The following ME1 variants were observed in gnomAD, a reference collection of about 807,000 sequenced individuals.
ME1 encodes the protein NADP-dependent malic enzyme.
A neutral mutation model predicts 66.4 loss-of-function variants in ME1; 74 were observed. The ratio of observed to expected loss-of-function variants is 1.11; its 90% CI spans 0.92 to 1.35. The LOEUF (loss-of-function observed/expected upper bound fraction) is 1.35. Among genes scored for constraint, ME1 ranks in the 40% most tolerant of loss-of-function variants. ME1 has a pLI of 0.00. For missense variants in ME1, 750 were observed against 694.1 expected, an observed-to-expected ratio of 1.08 and a Z score of -0.90; for synonymous variants, 251 against 235.6, an observed-to-expected ratio of 1.07 and a Z score of -0.60.
chr6:83,253,832 A>T (rs900765184), intron 6 of ME1, 94 bp from the exon 7 acceptor site: 9 of 633,538 alleles, frequency 1.4e-5, no homozygotes, highest in Non-Finnish European at 2.5e-5. Flanking sequence ...GGAAAACATT[A>T]TTTCCTTTTA....
chr6:83,237,246 A>AGAAC (rs1790419028), intron 9 of ME1, among the ~76,000 whole-genome samples: 1 of 97,872 alleles, frequency 1.0e-5, no homozygotes, highest in Non-Finnish European at 2.1e-5. Flanking sequence ...AAAGAAAGAA[A>AGAAC]GAAAGAAAGA....
chr6:83,406,457 C>A (rs533643803), intron 2 of ME1, among the ~76,000 whole-genome samples: 2 of 152,204 alleles, frequency 1.3e-5, no homozygotes, highest in African/African-American at 4.8e-5. Flanking sequence ...TCCATCTGAT[C>A]CTGGGTTTTT....
intron 3 of ME1, among the ~76,000 whole-genome samples, chr6:83,382,260 T>G (rs1769419533): frequency 6.6e-6 from 1 of 152,108 alleles, no homozygotes; most frequent in Non-Finnish European, 1.5e-5. Context: ...AATTAAGTCT[T>G]TATTTACCTA....
At chr6:83,261,685 T>C (rs1766891832) in intron 6 of ME1, among the ~76,000 whole-genome samples, 1 of 152,030 alleles carries the variant, frequency 6.6e-6, no homozygotes, top group African/African-American at 2.4e-5. Context: ...GTTGGGAGTC[T>C]GGTTTAGGGA....
rs118081320 is a variant in ME1, at chr6:83,253,682, C to T, written c.761G>A (p.Arg254His). 1.1e-3 allele frequency: 1,700 copies of T among 1,611,792 alleles called. 14 individuals carry two copies. In the East Asian group the frequency reaches 0.017, roughly 16 times the overall value. ...FEDFANVNAF[R>H]LLNKYRNQYC... The stretch of plus-strand genomic sequence containing the variant: ...CTGGTTTCGATACTTGTTCAGGAGA[C>T]GAAATGCATTCACATTGGCAAAATC... Residue 254 changes from arginine to histidine, a missense_variant, in exon 7 of 14, where the codon CGT becomes CAT. Arg to His is a conservative substitution (Grantham distance 29). Coordinates refer to ENST00000369705, the MANE Select transcript of ME1 (RefSeq NM_002395.6).
chr6:83,330,219 A>C (rs1432711370), intron 5 of ME1, among the ~76,000 whole-genome samples: 1 of 152,138 alleles, frequency 6.6e-6, no homozygotes, highest in Non-Finnish European at 1.5e-5. Context: ...TCTAGCATTT[A>C]TTTTTAAACT....
rs1009676819 is a variant in ME1 at position 83,237,819 on chromosome 6, C to T, written c.924G>A (p.Gly308=). The part of the protein sequence containing the change: ...LFQGAGEAAL[G]IAHLIVMALE... The stretch of plus-strand genomic sequence containing the variant: ...AGGCCATCACAATCAGGTGTGCAAT[C>T]CCTAGGGCAGCCTCAGTGATGAAAA... The change falls in exon 9 of 14, where the codon GGG becomes GGA. Residue 308 remains glycine, a synonymous_variant. Coordinates refer to ENST00000369705, the MANE Select transcript of ME1 (RefSeq NM_002395.6). 3 of 1,591,018 alleles carry T rather than the reference C, an allele frequency of 1.9e-6. No homozygotes were observed. In the East Asian group the frequency reaches 6.8e-5, roughly 36 times the overall value.
chr6:83,236,143 A>G (rs1371306351), intron 9 of ME1, among the ~76,000 whole-genome samples: 50 of 152,164 alleles, frequency 3.3e-4, no homozygotes, highest in Admixed American at 3.3e-3. Flanking sequence ...AACAATTTAA[A>G]GCCTATACAA....
At chr6:83,297,173 G>C (rs2128535931) in intron 6 of ME1, among the ~76,000 whole-genome samples, 1 of 152,056 alleles carries the variant, frequency 6.6e-6, no homozygotes, top group African/African-American at 2.4e-5. Flanking sequence ...CAGCCAAGCT[G>C]AAAGCCAAAT....
intron 1 of ME1, among the ~76,000 whole-genome samples, chr6:83,417,028 C>T: frequency 6.6e-6 from 1 of 151,818 alleles, no homozygotes; most frequent in Middle Eastern, 3.2e-3. Context: ...ATTACTGTAG[C>T]TTTAGATCTG....
chr6:83,304,791 T>C (rs1299406968), intron 6 of ME1, among the ~76,000 whole-genome samples: 1 of 152,204 alleles, frequency 6.6e-6, no homozygotes, highest in Non-Finnish European at 1.5e-5. Flanking sequence ...ACAGGAATGA[T>C]TATTTTGTTC....
At chr6:83,341,819 C>T (rs952235363) in intron 5 of ME1, among the ~76,000 whole-genome samples, 1 of 152,114 alleles carries the variant, frequency 6.6e-6, no homozygotes, top group Non-Finnish European at 1.5e-5. Flanking sequence ...TTTGCAAACC[C>T]CTACCTTTTC....
intron 6 of ME1, among the ~76,000 whole-genome samples, chr6:83,298,916 TTAGTC>T (rs1448049112): frequency 2.8e-5 from 4 of 144,578 alleles, no homozygotes; most frequent in Non-Finnish European, 6.0e-5. Context: ...TGCTGTTCCA[TTAGTC>T]TATGTGTCTG....
intron 6 of ME1, among the ~76,000 whole-genome samples, chr6:83,283,421 TG>T (rs950089550): frequency 1.3e-5 from 2 of 151,082 alleles, no homozygotes; most frequent in African/African-American, 2.4e-5. Context: ...GGACCTCTCA[TG>T]GGGTGGGGGG....
chr6:83,341,723 G>A (rs145489070), intron 5 of ME1, among the ~76,000 whole-genome samples: 6 of 152,192 alleles, frequency 3.9e-5, no homozygotes, highest in African/African-American at 1.4e-4. Context: ...ATCTAAGGCC[G>A]TTTTGCACTG....
intron 3 of ME1, chr6:83,392,574 T>C: frequency 8.9e-6 from 5 of 560,602 alleles, no homozygotes; most frequent in South Asian, 6.9e-5. Flanking sequence ...ATTCCGCCCA[T>C]GGCAAATTCC....
At chr6:83,289,177 C>T (rs376295932) in intron 6 of ME1, among the ~76,000 whole-genome samples, 8 of 152,206 alleles carry the variant, frequency 5.3e-5, no homozygotes, top group East Asian at 3.9e-4. Context: ...CCAGAACTTC[C>T]AATACTAGGT....
At chr6:83,380,534 G>C (rs930393939) in intron 3 of ME1, among the ~76,000 whole-genome samples, 1 of 152,004 alleles carries the variant, frequency 6.6e-6, no homozygotes, top group African/African-American at 2.4e-5. Flanking sequence ...GGACAAAAGA[G>C]ACTCAATAGA....
At chr6:83,294,863 G>T (rs958517680) in intron 6 of ME1, among the ~76,000 whole-genome samples, 2 of 152,180 alleles carry the variant, frequency 1.3e-5, no homozygotes, top group Non-Finnish European at 2.9e-5. Flanking sequence ...AGCCCCAGAA[G>T]AAAAGGGGAA....
Sources: allele counts gnomAD v4.1 joint callset (sites outside exome capture counted in the v4.1 genomes callset), GRCh38; gene constraint gnomAD v4.1.1; transcripts MANE v1.5; gene names NCBI Gene and HGNC (gene_info 2026-07-23, HGNC 2026-07-21).